Variants in KCND3 observed in about 807,000 individuals in gnomAD.
The protein encoded by KCND3 is potassium voltage-gated channel subfamily D member 3.
Under a neutral mutation model 51.1 loss-of-function variants are expected in KCND3, and 9 were observed. The observed-to-expected ratio is 0.18, with a 90% CI of 0.11 to 0.31. KCND3 has a LOEUF of 0.31. KCND3 is among the 10% of genes least tolerant of loss of function. The probability of loss-of-function intolerance (pLI) is 1.00; values close to 1 mark genes in which losing one functional copy is unlikely to be tolerated. For synonymous variants in KCND3, 349 were observed against 368.0 expected (o/e 0.95, Z 0.59); for missense variants, 526 against 903.8 (o/e 0.58, Z 5.36).
chr1:111,974,589 A>C (rs1400613899), intron 2 of KCND3, among the ~76,000 whole-genome samples: 1 of 152,164 alleles, frequency 6.6e-6, no homozygotes, highest in Non-Finnish European at 1.5e-5. Context: ...AGAGCCCTGC[A>C]ATGGCCTGGG....
At chr1:111,900,322 C>T (rs1670327126) in intron 2 of KCND3, among the ~76,000 whole-genome samples, 1 of 152,190 alleles carries the variant, frequency 6.6e-6, no homozygotes. Context: ...GCCTTCCAAA[C>T]CTCCAGGAGA....
chr1:111,916,555 G>A (rs1350710952), intron 2 of KCND3, among the ~76,000 whole-genome samples: 1 of 152,012 alleles, frequency 6.6e-6, no homozygotes, highest in Non-Finnish European at 1.5e-5. Context: ...ATGCAGAAGG[G>A]AAAGAATAAT....
intron 2 of KCND3, among the ~76,000 whole-genome samples, chr1:111,939,656 T>C (rs928233464): frequency 3.3e-5 from 5 of 152,240 alleles, no homozygotes; most frequent in African/African-American, 1.2e-4. Flanking sequence ...GCCAAGTGTT[T>C]GCTATTGTGA....
chr1:111,818,504 G>A (rs1666208402), intron 2 of KCND3, among the ~76,000 whole-genome samples: 1 of 152,198 alleles, frequency 6.6e-6, no homozygotes. Context: ...ACCTGTCTGC[G>A]AGCCTTCTCT....
chr1:111,867,226 C>T (rs554518716), intron 2 of KCND3, among the ~76,000 whole-genome samples: 9 of 150,228 alleles, frequency 6.0e-5, no homozygotes, highest in Non-Finnish European at 1.3e-4. Flanking sequence ...TAGGCACATC[C>T]TAGGGTAGAA....
chr1:111,906,339 G>A (rs1670650092), intron 2 of KCND3, among the ~76,000 whole-genome samples: 1 of 152,092 alleles, frequency 6.6e-6, no homozygotes, highest in East Asian at 1.9e-4. Flanking sequence ...ACAGCACAGC[G>A]TCTTACCTGG....
intron 2 of KCND3, among the ~76,000 whole-genome samples, chr1:111,850,672 G>C (rs1451585439): frequency 6.6e-6 from 1 of 152,186 alleles, no homozygotes; most frequent in Non-Finnish European, 1.5e-5. Flanking sequence ...CTGGCCACTG[G>C]GGACCACTGC....
At chr1:111,944,708 G>A (rs912809794) in intron 2 of KCND3, among the ~76,000 whole-genome samples, 2 of 152,190 alleles carry the variant, frequency 1.3e-5, no homozygotes, top group African/African-American at 2.4e-5. Context: ...TGTGTCTCCC[G>A]CAGTGCCTAG....
intron 2 of KCND3, among the ~76,000 whole-genome samples, chr1:111,915,885 C>T (rs1671192563): frequency 6.6e-6 from 1 of 150,854 alleles, no homozygotes; most frequent in Non-Finnish European, 1.5e-5. Flanking sequence ...AAACAAAACC[C>T]TAAATGTATA....
intron 2 of KCND3, among the ~76,000 whole-genome samples, chr1:111,882,139 C>A (rs771235462): frequency 6.6e-6 from 1 of 152,184 alleles, no homozygotes; most frequent in Non-Finnish European, 1.5e-5. Context: ...CCTTCCCTCT[C>A]TGAGCTCTGG....
At chr1:111,932,022 C>G (rs1355151061) in intron 2 of KCND3, among the ~76,000 whole-genome samples, 1 of 152,210 alleles carries the variant, frequency 6.6e-6, no homozygotes, top group East Asian at 1.9e-4. Context: ...CCTGGGTTAG[C>G]CCTTGGCTTG....
chr1:111,801,075 G>A (rs944850021), intron 2 of KCND3, among the ~76,000 whole-genome samples: 3 of 152,154 alleles, frequency 2.0e-5, no homozygotes, highest in Admixed American at 6.5e-5. Context: ...CCTTCTCCCC[G>A]GGGCTGCTTC....
At chr1:111,961,244 C>T (rs960591001) in intron 2 of KCND3, among the ~76,000 whole-genome samples, 10 of 152,314 alleles carry the variant, frequency 6.6e-5, no homozygotes, top group South Asian at 2.1e-4. Context: ...CAAATATAGG[C>T]GCCAGCGAGG....
At chr1:111,940,236 T>C (rs556180762) in intron 2 of KCND3, among the ~76,000 whole-genome samples, 1 of 152,168 alleles carries the variant, frequency 6.6e-6, no homozygotes, top group South Asian at 2.1e-4. Context: ...TTTAATTAGA[T>C]CCCATTTGTC....
rs1664010843 is a variant in KCND3, at chr1:111,773,875, T to G, written c.*2202A>C. 6.6e-6 allele frequency: 1 copy of G among 152,202 alleles called. No individual in the cohort carries two copies. The highest frequency in any genetic ancestry group is 1.9e-4 in the East Asian group (1 of 5,198). The allele number at this position is 152,202 out of a possible 1,614,324, so 9.4% of individuals were successfully genotyped here. On this transcript the variant is annotated 3_prime_UTR_variant, in exon 8 of 8. Coordinates refer to ENST00000302127, the MANE Select transcript of KCND3 (RefSeq NM_001378969.1). ...CCTCTAAGTGAAGTTTAGCTTGGTC[T>G]TCTAATGAGATGTGTATATGAAGTG...
At position 111,780,197 on chromosome 1, in the gene KCND3, A is replaced by C. The variant is rs1478105525; in HGVS notation, c.1461+28T>G. The C allele has an allele frequency of 9.0e-6, 14 of 1,560,364 alleles. No homozygotes were observed. The highest frequency in any genetic ancestry group is 1.4e-5 in the African/African-American group (1 of 73,782). ...GAAAAGGGTCAGGGTCAGCGATGAA[A>C]AGGAGGTGGCAAAGGGCTGGGACTC... On this transcript the variant is annotated intron_variant, in intron 5 of 7. Transcript: ENST00000302127. This position sits in a 1 kb window ranked among gnomAD's most constrained non-coding sequence, Gnocchi z 4.2.
intron 2 of KCND3, among the ~76,000 whole-genome samples, chr1:111,918,548 A>G (rs936861509): frequency 2.0e-5 from 3 of 152,160 alleles, no homozygotes; most frequent in African/African-American, 7.2e-5. Context: ...CTCCATAGCT[A>G]TAGTGAGTGC....
chr1:111,863,507 G>A (rs1476140790), intron 2 of KCND3, among the ~76,000 whole-genome samples: 2 of 152,128 alleles, frequency 1.3e-5, no homozygotes, highest in Admixed American at 1.3e-4. Context: ...AGGGAGAAAA[G>A]GTATTCCAAG....
intron 2 of KCND3, among the ~76,000 whole-genome samples, chr1:111,878,455 GAC>G (rs1250858733): frequency 1.3e-5 from 2 of 152,224 alleles, no homozygotes; most frequent in African/African-American, 4.8e-5. Context: ...GGCAACAGAT[GAC>G]ACAGGGCCCA....
Sources: allele counts gnomAD v4.1 joint callset (sites outside exome capture counted in the v4.1 genomes callset), GRCh38; gene constraint gnomAD v4.1.1; non-coding constraint Gnocchi (gnomAD v3.1); transcripts MANE v1.5; gene names NCBI Gene and HGNC (gene_info 2026-07-23, HGNC 2026-07-21).